MOCOS: variants seen among roughly 807,000 people sequenced by gnomAD.
MOCOS encodes the protein human molybdenum cofactor sulfurase.
MOCOS carries 86 observed loss-of-function variants against 83.6 expected under a neutral mutation model. That is an observed-to-expected ratio of 1.03 (90% confidence interval 0.86 to 1.23). The LOEUF is 1.23. MOCOS is among the 50% of genes most tolerant of loss of function. MOCOS has a pLI of 0.00. For missense variants in MOCOS, 1,120 were observed against 1,126.9 expected, an observed-to-expected ratio of 0.99 and a Z score of 0.09; for synonymous variants, 445 against 434.7, an observed-to-expected ratio of 1.02 and a Z score of -0.29.
At chr18:36,248,708 C>A (rs557679436) in intron 9 of MOCOS, among the ~76,000 whole-genome samples, 2 of 152,042 alleles carry the variant, frequency 1.3e-5, no homozygotes, top group African/African-American at 4.8e-5. Flanking sequence ...TCTTCTTGCT[C>A]CAATGTTTGT....
intron 9 of MOCOS, among the ~76,000 whole-genome samples, chr18:36,222,123 G>A (rs510710): frequency 0.94 from 143,098 of 152,218 alleles, 67,910 homozygotes; most frequent in East Asian, 1. Flanking sequence ...TATTTACTTT[G>A]TTCATCTCTT....
Position 36,205,149 on chromosome 18 carries a change from A to T in MOCOS, c.1091A>T (p.Gln364Leu). 6.2e-7 allele frequency: 1 copy of T among 1,613,890 alleles called. No individual in the cohort carries two copies. The highest frequency in any genetic ancestry group is 8.5e-7 in the Non-Finnish European group (1 of 1,179,870). Reference sequence around the variant, plus strand: ...ACCTACGTGGCCCTGTCCTCTCTCCAGTACCCCAATGGAGCCCCTGTGGTG... The same window carrying T: ...ACCTACGTGGCCCTGTCCTCTCTCCTGTACCCCAATGGAGCCCCTGTGGTG... ...QYTYVALSSLQYPNGAPVVRI... is the reference protein window; with the variant it reads ...QYTYVALSSLLYPNGAPVVRI... The change falls in exon 6 of 15, where the codon CAG becomes CTG. Residue 364 changes from glutamine (Q) to leucine (L), a missense_variant. Physicochemically the swap from Gln to Leu is moderately radical, Grantham distance 113. Transcript: ENST00000261326.
At chr18:36,228,955 A>G (rs377619842) in intron 9 of MOCOS, among the ~76,000 whole-genome samples, 1 of 151,960 alleles carries the variant, frequency 6.6e-6, no homozygotes, top group Non-Finnish European at 1.5e-5. Context: ...AGCATTAGCC[A>G]TTGTGGACTG....
In MOCOS at chr18:36,187,693, G is replaced by T; in HGVS notation, c.142+12G>T. 2.4e-6 allele frequency: 3 copies of T among 1,265,070 alleles called. No homozygotes were observed. Among genetic ancestry groups the T allele is most frequent in the African/African-American group, 1.5e-5 (1 of 65,934 alleles). 78.4% of individuals were successfully genotyped at this position (1,265,070 alleles called of 1,614,324 possible). A position where few individuals can be genotyped will look rare whatever the true frequency, so the allele number is the denominator to read the frequency against. ...CAGCCGCCTGGCAGGTGAGGCGGGCGGGCAGGCTTGGGGGACACGAGGTTT... is the reference window on the plus strand; with the variant it reads ...CAGCCGCCTGGCAGGTGAGGCGGGCTGGCAGGCTTGGGGGACACGAGGTTT... On this transcript the variant is annotated intron_variant, in intron 1 of 14. Transcript: ENST00000261326.
intron 9 of MOCOS, among the ~76,000 whole-genome samples, chr18:36,224,501 C>A (rs1354851954): frequency 6.6e-6 from 1 of 152,090 alleles, no homozygotes; most frequent in Non-Finnish European, 1.5e-5. Context: ...TGAGAGGGTG[C>A]TGAATTTTGT....
At chr18:36,196,969 C>T (rs976985583) in intron 2 of MOCOS, among the ~76,000 whole-genome samples, 12 of 152,064 alleles carry the variant, frequency 7.9e-5, no homozygotes, top group Non-Finnish European at 1.8e-4. Context: ...GGTGCCTGGT[C>T]TTATAGGTCA....
chr18:36,246,675 C>G (rs1006927185), intron 9 of MOCOS, among the ~76,000 whole-genome samples: 2 of 152,206 alleles, frequency 1.3e-5, no homozygotes, highest in African/African-American at 4.8e-5. Context: ...CATGGACAGA[C>G]TCAGGACCTC....
intron 8 of MOCOS, among the ~76,000 whole-genome samples, chr18:36,216,204 CTTA>C (rs1022529268): frequency 7.9e-5 from 12 of 152,170 alleles, no homozygotes; most frequent in Admixed American, 6.5e-5. Context: ...TGTCATTACT[CTTA>C]TTAATTATAG....
chr18:36,235,707 C>T (rs1427743956), intron 9 of MOCOS, among the ~76,000 whole-genome samples: 1 of 151,782 alleles, frequency 6.6e-6, no homozygotes, highest in Non-Finnish European at 1.5e-5. Flanking sequence ...AATCGCCACA[C>T]TGACTTCCAC....
chr18:36,256,998 C>T lies in MOCOS; in HGVS notation c.2195C>T (p.Ser732Phe), dbSNP rs2091644110. ...DQLPGTMATLSLVNEAQYLLI... is the reference protein window; with the variant it reads ...DQLPGTMATLFLVNEAQYLLI... ...CTTCCTGGTACAATGGCCACCCTTT[C>T]TCTGGTGAATGAGGCACAGTATCTG... is the stretch of plus-strand genomic sequence containing the variant. Residue 732 changes from serine (S) to phenylalanine (F), a missense_variant, in exon 12 of 15, where the codon TCT (serine) becomes TTT (phenylalanine). Coordinates refer to ENST00000261326, the MANE Select transcript of MOCOS (RefSeq NM_017947.4). 6.2e-6 allele frequency: 10 copies of T among 1,614,180 alleles called. No individual in the cohort carries two copies. The highest frequency in any genetic ancestry group is 8.5e-6 in the Non-Finnish European group (10 of 1,180,000).
Position 36,203,125 on chromosome 18 carries a change from CA to C in MOCOS, c.955del (p.Thr319ProfsTer10). ...QSVAQRFEDG[T>X]ISFLDVIALK... ...CCCGTGGTTATAGGTTTGAAGATGGCACCATCTCATTCCTTGATGTTATCGC... is the reference window on the plus strand; with the variant it reads ...CCCGTGGTTATAGGTTTGAAGATGGCCCATCTCATTCCTTGATGTTATCGC... On this transcript the variant is annotated frameshift_variant, in exon 5 of 15. Coordinates refer to ENST00000261326, the MANE Select transcript of MOCOS (RefSeq NM_017947.4). LOFTEE classifies it high-confidence loss of function. The C allele has an allele frequency of 6.2e-7, 1 of 1,614,156 alleles. No homozygotes were observed.
In MOCOS at chr18:36,200,149, G is replaced by A. The variant is rs1282022057; in HGVS notation, c.766G>A (p.Asp256Asn). The part of the protein sequence containing the change: ...SPLDLSAHQA[D>N]FVPISFYKIF... ...TTTGGACCTGTCAGCTCACCAGGCC[G>A]ACTTTGTCCCCATCTCCTTCTATAA... The change falls in exon 4 of 15, where the codon GAC becomes AAC. Residue 256 changes from aspartate (D) to asparagine (N), a missense_variant. Transcript: ENST00000261326. 1.7e-5 allele frequency: 27 copies of A among 1,614,088 alleles called. No individual in the cohort carries two copies. Among genetic ancestry groups the A allele is most frequent in the South Asian group, 7.7e-5 (7 of 91,086 alleles).
At chr18:36,216,026 T>C (rs2091475520) in intron 8 of MOCOS, 49 bp downstream of exon 8, 2 of 1,532,110 alleles carry the variant, frequency 1.3e-6, no homozygotes, top group Non-Finnish European at 1.8e-6. Flanking sequence ...GTTTACTCTC[T>C]CTATTTTTTG....
At position 36,270,713 on chromosome 18, in the gene MOCOS, A is replaced by T. The variant is rs1024867098; in HGVS notation, c.*2028A>T. On this transcript the variant is annotated 3_prime_UTR_variant, in exon 15 of 15. Transcript: ENST00000261326. Reference sequence around the variant, plus strand: ...GGTGACAGAGCAAGACTCCATCTCAAAAAAAAAAAAAAAAAAATTAGGTCA... The same window carrying T: ...GGTGACAGAGCAAGACTCCATCTCATAAAAAAAAAAAAAAAAATTAGGTCA... 2 of 56,344 alleles carry T rather than the reference A, an allele frequency of 3.5e-5. No individual in the cohort carries two copies. Among genetic ancestry groups the T allele is most frequent in the African/African-American group, 1.8e-4 (2 of 10,960 alleles). The allele number at this position is 56,344 out of a possible 1,614,324, so 3.5% of individuals were successfully genotyped here.
intron 9 of MOCOS, among the ~76,000 whole-genome samples, chr18:36,243,813 A>G (rs2091593019): frequency 6.6e-6 from 1 of 152,038 alleles, no homozygotes. Context: ...TGGTCTGTTC[A>G]TAGTTTCTAT....
chr18:36,244,371 A>T (rs1276681488), intron 9 of MOCOS, among the ~76,000 whole-genome samples: 1 of 152,082 alleles, frequency 6.6e-6, no homozygotes, highest in Admixed American at 6.5e-5. Flanking sequence ...TCTTGATTTC[A>T]TTGTTGACCC....
At chr18:36,220,383 C>T (rs930032920) in intron 9 of MOCOS, among the ~76,000 whole-genome samples, 166 bp downstream of exon 9, 2 of 151,870 alleles carry the variant, frequency 1.3e-5, no homozygotes, top group African/African-American at 4.8e-5. Context: ...GGAGCACGTG[C>T]CTGTAATCTC....
At chr18:36,191,733 A>G (rs771834057) in intron 1 of MOCOS, among the ~76,000 whole-genome samples, 4 of 131,388 alleles carry the variant, frequency 3.0e-5, no homozygotes, top group Non-Finnish European at 6.4e-5. Flanking sequence ...TGTGTCCAGT[A>G]CACTTAAAAT....
At chr18:36,206,244 C>CTTTTTT (rs71166102) in intron 6 of MOCOS, among the ~76,000 whole-genome samples, 2 of 103,636 alleles carry the variant, frequency 1.9e-5, no homozygotes, top group African/African-American at 7.6e-5. Context: ...TTTCTTCCAA[C>CTTTTTT]TTTTTTTTTT....
Sources: allele counts gnomAD v4.1 joint callset (sites outside exome capture counted in the v4.1 genomes callset), GRCh38; gene constraint gnomAD v4.1.1; transcripts MANE v1.5; gene names NCBI Gene and HGNC (gene_info 2026-07-23, HGNC 2026-07-21).